The following KCNAB2 variants were observed in gnomAD, a reference collection of about 807,000 sequenced individuals.
KCNAB2 encodes potassium voltage-gated channel subfamily A regulatory beta subunit 2.
KCNAB2 carries 29 observed loss-of-function variants against 63.6 expected under a neutral mutation model. That is an observed-to-expected ratio of 0.46 (90% CI 0.34 to 0.62). The LOEUF (loss-of-function observed/expected upper bound fraction) is 0.62, where lower values mean the gene tolerates loss of function less well. KCNAB2 is among the 20% of genes least tolerant of loss of function. The pLI is 0.01. For missense variants in KCNAB2, 359 were observed against 563.9 expected, an observed-to-expected ratio of 0.64 and a Z score of 3.68; for synonymous variants, 222 against 224.2, an observed-to-expected ratio of 0.99 and a Z score of 0.09.
intron 1 of KCNAB2, chr1:6,007,306 T>A (rs963123365): frequency 6.6e-6 from 1 of 152,284 alleles, no homozygotes; most frequent in African/African-American, 2.4e-5. Context: ...ACCACTTAAA[T>A]GCCAGCGTGG....
intron 1 of KCNAB2, among the ~76,000 whole-genome samples, chr1:6,008,100 G>A (rs761929170): frequency 6.6e-5 from 10 of 152,194 alleles, no homozygotes; most frequent in Non-Finnish European, 1.3e-4. Context: ...CAATGGGGAG[G>A]CGAACCTGGA....
At chr1:6,004,815 G>C (rs1657460927) in intron 1 of KCNAB2, among the ~76,000 whole-genome samples, 2 of 152,036 alleles carry the variant, frequency 1.3e-5, no homozygotes, top group Non-Finnish European at 2.9e-5. Context: ...CCACACAATA[G>C]GTTTCTACCC....
Position 6,099,712 on chromosome 1 carries a change from CACCCCCACAGCACCCCCACA to C in KCNAB2, c.*1140_*1159del. On this transcript the variant is annotated 3_prime_UTR_variant, in exon 16 of 16. Transcript: ENST00000378083. ...TTCTGTGCCCATGACTTGGGGGCTG[CACCCCCACAGCACCCCCACA>C]ATGTAGGAAAAGACCTCAGGGAACC... 5 of 1,410,632 alleles carry C rather than the reference CACCCCCACAGCACCCCCACA, an allele frequency of 3.5e-6. No homozygotes were observed. Among genetic ancestry groups the C allele is most frequent in the Non-Finnish European group, 4.7e-6 (5 of 1,070,100 alleles). 87.4% of individuals were successfully genotyped at this position (1,410,632 alleles called of 1,614,324 possible). A position where few individuals can be genotyped will look rare whatever the true frequency, so the allele number is the denominator to read the frequency against.
chr1:6,021,943 A>ATTGAGGGTAAAGT (rs1658853889), intron 1 of KCNAB2, among the ~76,000 whole-genome samples: 1 of 126,710 alleles, frequency 7.9e-6, no homozygotes, highest in African/African-American at 3.1e-5. Context: ...AAAGTGCAGT[A>ATTGAGGGTAAAGT]GCATTGAGGG....
rs896995415 is a variant in KCNAB2, at chr1:6,003,845, G to C, written c.-53+11057G>C. On this transcript the variant is annotated intron_variant, in intron 1 of 16. Coordinates refer to the KCNAB2 transcript ENST00000341524. This position sits in a 1 kb window ranked among gnomAD's most constrained non-coding sequence, Gnocchi z 4.1. ...GATTGCAGAGGCATGGCTGGCCCCA[G>C]CTTGCAGCGGTCGCTTCTGCATCTC... 1.3e-5 allele frequency among the ~76,000 whole-genome samples: 2 copies of C among 152,232 alleles called. No individual in the cohort carries two copies. The highest frequency in any genetic ancestry group is 4.8e-5 in the African/African-American group (2 of 41,454).
In KCNAB2 at chr1:6,005,931, C is replaced by T. The variant is rs1313167673; in HGVS notation, c.-53+13143C>T. Among the ~76,000 whole-genome samples the T allele has an allele frequency of 5.2e-3, 537 of 103,352 alleles. 10 individuals are homozygous for T. Among genetic ancestry groups the T allele is most frequent in the African/African-American group, 0.011 (230 of 21,502 alleles). The allele number at this position is 103,352 out of a possible 152,430, so 67.8% of individuals were successfully genotyped here. ...AGCTCAGCTCCCACATCCCCCCACT[C>T]CACCCTCACCCCTCAGCTCAGCTCC... On this transcript the variant is annotated intron_variant, in intron 1 of 16. Transcript: ENST00000341524.
chr1:6,018,131 A>G (rs557249369), intron 1 of KCNAB2, among the ~76,000 whole-genome samples: 2 of 152,008 alleles, frequency 1.3e-5, no homozygotes, highest in East Asian at 3.9e-4. Context: ...AAGGTGTCTC[A>G]CTGTGTTGCC....
rs1196424176 is a variant in KCNAB2, at chr1:5,994,873, T to C, written c.-53+2085T>C. ...AGGAGGAAGCGAGTGCCACACAGTTTTGATTTGGCAGTTTCCGGCCTGGGC... is the reference window on the plus strand; with the variant it reads ...AGGAGGAAGCGAGTGCCACACAGTTCTGATTTGGCAGTTTCCGGCCTGGGC... On this transcript the variant is annotated intron_variant, in intron 1 of 16. Transcript: ENST00000341524. This position sits in a 1 kb window ranked among gnomAD's most constrained non-coding sequence, Gnocchi z 5.4. Among the ~76,000 whole-genome samples the C allele has an allele frequency of 6.6e-6, 1 of 152,148 alleles. No individual in the cohort carries two copies. Among genetic ancestry groups the C allele is most frequent in the Non-Finnish European group, 1.5e-5 (1 of 68,026 alleles).
chr1:6,014,104 G>T (rs779392914), intron 1 of KCNAB2, among the ~76,000 whole-genome samples: 2 of 152,242 alleles, frequency 1.3e-5, no homozygotes, highest in Non-Finnish European at 2.9e-5. Flanking sequence ...GCACGGGAAA[G>T]CCCTTATCCC....
rs1557921269 is a variant in KCNAB2 at position 6,005,060 on chromosome 1, TAGA to T, written c.-53+12273_-53+12275del. Among the ~76,000 whole-genome samples, 35 of 12,416 alleles carry T rather than the reference TAGA, an allele frequency of 2.8e-3. 4 individuals are homozygous for T. Among genetic ancestry groups the T allele is most frequent in the South Asian group, 7.1e-3 (1 of 140 alleles). The allele number at this position is 12,416 out of a possible 152,430, so 8.1% of individuals were successfully genotyped here. A position where few individuals can be genotyped will look rare whatever the true frequency, so the allele number is the denominator to read the frequency against. ...CGGGGGCTGAGCTGAGGGGTGAGGG[TAGA>T]GTGGGGGACATGGAAGCTGAGCTGA... is the stretch of plus-strand genomic sequence containing the variant. On this transcript the variant is annotated intron_variant, in intron 1 of 16. Coordinates refer to the KCNAB2 transcript ENST00000341524.
chr1:6,059,105 G>T (rs1411503156), intron 2 of KCNAB2, among the ~76,000 whole-genome samples: 1 of 152,222 alleles, frequency 6.6e-6, no homozygotes, highest in Non-Finnish European at 1.5e-5. Context: ...CTGGGTGGTT[G>T]CCTTGTAACC....
At position 6,098,548 on chromosome 1, in the gene KCNAB2, T is replaced by C; in HGVS notation, c.1222T>C (p.Tyr408His). ...TGATAGTATTTTGGGCAATAAACCC[T>C]ACAGCAAAAAGGACTACAGATCCTA... ...EIDSILGNKPYSKKDYRS is the reference protein window; with the variant it reads ...EIDSILGNKPHSKKDYRS The change falls in exon 16 of 16, where the codon TAC becomes CAC. Residue 408 changes from tyrosine (Y) to histidine (H), a missense_variant. Around this residue, in one of 2 missense-constraint regions of KCNAB2, gnomAD observed 271 missense variants for 476.1 expected, o/e 0.57. Coordinates refer to ENST00000378083, the MANE Select transcript of KCNAB2 (RefSeq NM_001199862.2). 8.1e-6 allele frequency: 13 copies of C among 1,614,018 alleles called. No individual in the cohort carries two copies. Among genetic ancestry groups the C allele is most frequent in the Non-Finnish European group, 1.1e-5 (13 of 1,179,996 alleles).
Position 6,087,570 on chromosome 1 carries a change from C to T in KCNAB2, c.470+59C>T. The T allele has an allele frequency of 6.4e-7, 1 of 1,559,544 alleles. No individual in the cohort carries two copies. The highest frequency in any genetic ancestry group is 8.8e-7 in the Non-Finnish European group (1 of 1,131,182). On this transcript the variant is annotated intron_variant, in intron 7 of 15. Coordinates refer to ENST00000378083, the MANE Select transcript of KCNAB2 (RefSeq NM_001199862.2). This position sits in a 1 kb window ranked among gnomAD's most constrained non-coding sequence, Gnocchi z 6.4. ...GGCCCAGCAGCCACGGCCCCGTGCT[C>T]CCCAGAGACCCCTGACCTAGAAGGC...
At chr1:6,025,202 A>G (rs1659066901) in intron 1 of KCNAB2, among the ~76,000 whole-genome samples, 1 of 152,058 alleles carries the variant, frequency 6.6e-6, no homozygotes, top group African/African-American at 2.4e-5. Context: ...TGCCGGGAAC[A>G]CACAGCAGCA....
chr1:6,019,609 T>A (rs1394730105), intron 1 of KCNAB2, among the ~76,000 whole-genome samples: 1 of 152,176 alleles, frequency 6.6e-6, no homozygotes, highest in Non-Finnish European at 1.5e-5. Context: ...CTCCCTGCTC[T>A]CCAAAGCCCA....
intron 1 of KCNAB2, among the ~76,000 whole-genome samples, chr1:6,010,542 C>T (rs992646518): frequency 1.3e-5 from 2 of 152,260 alleles, no homozygotes; most frequent in African/African-American, 4.8e-5. Context: ...TCTGAACAGC[C>T]CTGGATGAGC....
At chr1:6,033,109 C>T (rs916751346), upstream of KCNAB2, among the ~76,000 whole-genome samples, 1 of 152,304 alleles carries the variant, frequency 6.6e-6, no homozygotes, top group Middle Eastern at 3.4e-3. Flanking sequence ...AGACAAAATT[C>T]TCAGATGAGT....
At chr1:6,082,450 C>T (rs1473848342) in intron 5 of KCNAB2, among the ~76,000 whole-genome samples, 176 bp downstream of exon 5, 1 of 152,158 alleles carries the variant, frequency 6.6e-6, no homozygotes, top group Admixed American at 6.5e-5. Context: ...GCTGGAATTG[C>T]AGAACACTTG....
rs1427209837 is a variant in KCNAB2 at position 6,009,864 on chromosome 1, T to C, written c.-53+17076T>C. 2.1e-5 allele frequency among the ~76,000 whole-genome samples: 3 copies of C among 142,796 alleles called. No individual in the cohort carries two copies. In the East Asian group the frequency reaches 6.7e-4, roughly 32 times the overall value. The allele number at this position is 142,796 out of a possible 152,430, so 93.7% of individuals were successfully genotyped here. ...TTTGGGTCATCTGTGCTATTTCTTT[T>C]CTTTTTTTCTTTTTTTTTTTTTTTC... On this transcript the variant is annotated intron_variant, in intron 1 of 16. Transcript: ENST00000341524.
Sources: gnomAD v4.1 joint callset for allele counts (sites outside exome capture counted in the v4.1 genomes callset) on GRCh38, gnomAD v4.1.1 for gene constraint, gnomAD v4.1.1 regional missense constraint, Gnocchi (gnomAD v3.1) non-coding constraint, MANE v1.5 for transcripts, NCBI Gene and HGNC (gene_info 2026-07-23, HGNC 2026-07-21) for gene names.